The following MTCL1 variants were observed in gnomAD, a reference collection of about 807,000 sequenced individuals.
MTCL1 encodes the protein microtubule crosslinking factor 1, also known as microtubule cross-linking factor 1.
Under a neutral mutation model 141.4 loss-of-function variants are expected in MTCL1, and 79 were observed. The observed-to-expected ratio is 0.56, with a 90% CI of 0.47 to 0.67. The LOEUF is 0.67. Ranked by LOEUF, MTCL1 falls within the 30% of genes least tolerant of loss-of-function variation. The probability of loss-of-function intolerance (pLI) is 0.00; values close to 1 mark genes in which losing one functional copy is unlikely to be tolerated. For synonymous variants in MTCL1, 914 were observed against 875.8 expected (o/e 1.04, Z -0.77); for missense variants, 2,177 against 2,113.9 (o/e 1.03, Z -0.59).
Position 8,828,518 on chromosome 18 carries a change from T to G in MTCL1, c.4723-390T>G, listed in dbSNP as rs1186724377. Among the ~76,000 whole-genome samples the G allele has an allele frequency of 6.6e-6, 1 of 152,228 alleles. No homozygotes were observed. The highest frequency in any genetic ancestry group is 1.5e-5 in the Non-Finnish European group (1 of 68,028). ...TGTGACCGAAACAAACGCAGCCGTA[T>G]AATAGTCTCTGTTTTAGATACCAGT... is the stretch of plus-strand genomic sequence containing the variant. On this transcript the variant is annotated intron_variant, in intron 15 of 16. Coordinates refer to ENST00000359865, the Ensembl canonical transcript of MTCL1. The surrounding 1 kb of genome is among the most constrained non-coding windows in gnomAD (Gnocchi z 5.2).
chr18:8,769,693 G>C (rs929614128), intron 4 of MTCL1, among the ~76,000 whole-genome samples: 1 of 152,152 alleles, frequency 6.6e-6, no homozygotes, highest in Non-Finnish European at 1.5e-5. Context: ...TGGCCAGGCT[G>C]TTGCCTTTGG....
chr18:8,827,469 C>A (rs1285525005), intron 15 of MTCL1, among the ~76,000 whole-genome samples: 2 of 152,224 alleles, frequency 1.3e-5, no homozygotes, highest in Non-Finnish European at 2.9e-5. Flanking sequence ...ATTGATACTA[C>A]ATGGCCTACA....
chr18:8,739,229 A>C (rs1473424127), intron 4 of MTCL1, among the ~76,000 whole-genome samples: 1 of 152,110 alleles, frequency 6.6e-6, no homozygotes, highest in Non-Finnish European at 1.5e-5. Context: ...TGGGCAACAG[A>C]GTGAGACCCT....
At position 8,826,779 on chromosome 18, in the gene MTCL1, G is replaced by GC. The variant is rs1237240179; in HGVS notation, c.4722+553dup. 5.9e-5 allele frequency among the ~76,000 whole-genome samples: 9 copies of GC among 152,236 alleles called. No individual in the cohort carries two copies. In the East Asian group the frequency reaches 1.7e-3, roughly 29 times the overall value. ...TCACTTACCCTCTTTGTGGCCATGA[G>GC]CCCCCCTAGCAGTAAAACCAAGTGA... On this transcript the variant is annotated intron_variant, in intron 15 of 16. Coordinates refer to ENST00000359865, the Ensembl canonical transcript of MTCL1.
At chr18:8,739,205 A>C (rs1477030965) in intron 4 of MTCL1, among the ~76,000 whole-genome samples, 1 of 152,162 alleles carries the variant, frequency 6.6e-6, no homozygotes, top group Non-Finnish European at 1.5e-5. Flanking sequence ...TGATGATACC[A>C]CTGCACTCCA....
chr18:8,804,306 A>G (rs1031150624), intron 10 of MTCL1, among the ~76,000 whole-genome samples: 2 of 138,708 alleles, frequency 1.4e-5, no homozygotes, highest in Non-Finnish European at 3.0e-5. Flanking sequence ...CCTAGACTGG[A>G]GGGCAGTGGT....
At chr18:8,777,792 G>A in intron 4 of MTCL1, 41 bp from the exon 4 acceptor site, 2 of 1,597,240 alleles carry the variant, frequency 1.3e-6, no homozygotes, top group Non-Finnish European at 1.7e-6. Context: ...GCTATCACGT[G>A]TGAGCCCTTG....
chr18:8,789,750 T>A (rs538350691), intron 7 of MTCL1: 115 of 972,446 alleles, frequency 1.2e-4, no homozygotes, highest in Middle Eastern at 5.3e-4. Flanking sequence ...GGGTTTTTTT[T>A]AGAATCAAAC....
At chr18:8,726,529 GA>G (rs2096215464) in intron 4 of MTCL1, among the ~76,000 whole-genome samples, 1 of 97,858 alleles carries the variant, frequency 1.0e-5, no homozygotes, top group Admixed American at 1.0e-4. Flanking sequence ...GAGAGAGAGC[GA>G]GTGCGCATGC....
intron 11 of MTCL1, among the ~76,000 whole-genome samples, chr18:8,811,522 T>C (rs11081408): frequency 0.31 from 45,604 of 147,962 alleles, 7,076 homozygotes; most frequent in South Asian, 0.5. Context: ...TTAATCTTTA[T>C]ATATATATAC....
chr18:8,754,543 CCAT>C (rs1327158288), intron 4 of MTCL1, among the ~76,000 whole-genome samples: 1 of 152,074 alleles, frequency 6.6e-6, no homozygotes, highest in Admixed American at 6.6e-5. Context: ...CAAAGTAAAT[CCAT>C]CAAGTGCCTG....
chr18:8,818,429 ATGTTTAAC>A (rs2076733424), intron 12 of MTCL1, among the ~76,000 whole-genome samples: 1 of 152,038 alleles, frequency 6.6e-6, no homozygotes, highest in African/African-American at 2.4e-5. Flanking sequence ...AGTGTAAGTT[ATGTTTAAC>A]ACCAAATGGT....
intron 10 of MTCL1, among the ~76,000 whole-genome samples, chr18:8,801,100 G>A (rs2076105798): frequency 6.6e-6 from 1 of 152,120 alleles, no homozygotes; most frequent in Non-Finnish European, 1.5e-5. Context: ...GCTGCGTTAG[G>A]GCCTTCGGGG....
At chr18:8,756,371 GT>G (rs1337899842) in intron 4 of MTCL1, among the ~76,000 whole-genome samples, 1 of 143,540 alleles carries the variant, frequency 7.0e-6, no homozygotes, top group Non-Finnish European at 1.5e-5. Context: ...GTATATATGT[GT>G]ATATATGTAT....
intron 4 of MTCL1, among the ~76,000 whole-genome samples, chr18:8,752,605 G>T (rs190184478): frequency 6.6e-6 from 1 of 152,294 alleles, no homozygotes; most frequent in East Asian, 1.9e-4. Flanking sequence ...TATTTCCAAG[G>T]TTCTTGGGGG....
intron 14 of MTCL1, among the ~76,000 whole-genome samples, chr18:8,821,858 T>G (rs547232333): frequency 3.1e-4 from 47 of 152,344 alleles, no homozygotes; most frequent in African/African-American, 8.7e-4. Context: ...TGTGAGATGC[T>G]TTATACACTG....
At chr18:8,760,019 G>A (rs962624278) in intron 4 of MTCL1, among the ~76,000 whole-genome samples, 2 of 152,210 alleles carry the variant, frequency 1.3e-5, no homozygotes, top group African/African-American at 4.8e-5. Context: ...CCAGCTGTAT[G>A]AGAAGCGCTT....
intron 7 of MTCL1, chr18:8,789,793 AT>A: frequency 3.8e-6 from 3 of 797,584 alleles, no homozygotes; most frequent in Non-Finnish European, 4.6e-6. Flanking sequence ...GGAAATATTT[AT>A]TTTTTTAGAA....
At chr18:8,724,666 C>CG (rs1438060441) in intron 4 of MTCL1, among the ~76,000 whole-genome samples, 3 of 152,176 alleles carry the variant, frequency 2.0e-5, no homozygotes, top group Admixed American at 1.3e-4. Context: ...CTATTACCCC[C>CG]TAACCCATCC....
Sources: gnomAD v4.1 joint callset for allele counts (sites outside exome capture counted in the v4.1 genomes callset) on GRCh38, gnomAD v4.1.1 for gene constraint, Gnocchi (gnomAD v3.1) non-coding constraint, MANE v1.5 for transcripts, NCBI Gene and HGNC (gene_info 2026-07-23, HGNC 2026-07-21) for gene names.